LSAMP: variants seen among roughly 807,000 people sequenced by gnomAD.
LSAMP encodes the protein limbic system-associated membrane protein.
LSAMP carries 7 observed loss-of-function variants against 38.6 expected under a neutral mutation model. That is an observed-to-expected ratio of 0.18 (90% confidence interval 0.10 to 0.34). The LOEUF (loss-of-function observed/expected upper bound fraction) is 0.34. Among genes scored for constraint, LSAMP ranks in the 10% least tolerant of loss-of-function variants. The probability of loss-of-function intolerance (pLI) is 1.00; values close to 1 mark genes in which losing one functional copy is unlikely to be tolerated. For missense variants in LSAMP, 313 were observed against 420.0 expected, an observed-to-expected ratio of 0.75 and a Z score of 2.23; for synonymous variants, 154 against 166.8, an observed-to-expected ratio of 0.92 and a Z score of 0.59.
chr3:116,004,800 T>A (rs997641363), intron 3 of LSAMP, among the ~76,000 whole-genome samples: 2 of 152,098 alleles, frequency 1.3e-5, no homozygotes, highest in African/African-American at 4.8e-5. Context: ...AACCCAGGAA[T>A]ACCCCTTGGC....
intron 1 of LSAMP, among the ~76,000 whole-genome samples, chr3:116,379,245 G>A (rs577151900): frequency 1.1e-4 from 16 of 152,010 alleles, no homozygotes; most frequent in African/African-American, 2.9e-4. Flanking sequence ...AGATATAGTC[G>A]CATATGTTTT....
chr3:116,379,830 G>T (rs1158631369), intron 1 of LSAMP, among the ~76,000 whole-genome samples: 1 of 152,032 alleles, frequency 6.6e-6, no homozygotes, highest in Non-Finnish European at 1.5e-5. Flanking sequence ...CCTGATAAAA[G>T]ACGCTTACTT....
intron 1 of LSAMP, among the ~76,000 whole-genome samples, chr3:116,207,013 C>A (rs1246374110): frequency 2.7e-5 from 4 of 150,894 alleles, no homozygotes; most frequent in Non-Finnish European, 5.9e-5. Context: ...GTGTTAAAGT[C>A]TCCCATTATT....
intron 4 of LSAMP, among the ~76,000 whole-genome samples, chr3:115,844,276 A>G (rs1559847212): frequency 6.6e-6 from 1 of 152,224 alleles, no homozygotes. Context: ...TTTCCAAATT[A>G]TAACTCATTT....
At chr3:115,914,090 G>T (rs956170791) in intron 3 of LSAMP, among the ~76,000 whole-genome samples, 1 of 152,134 alleles carries the variant, frequency 6.6e-6, no homozygotes, top group Non-Finnish European at 1.5e-5. Context: ...TGGCAGCTCC[G>T]CAGATACAAG....
intron 1 of LSAMP, among the ~76,000 whole-genome samples, chr3:116,333,533 CA>C (rs35890184): frequency 0.37 from 31,783 of 85,528 alleles, 4,906 homozygotes; most frequent in African/African-American, 0.58. Context: ...GGTTCCATCT[CA>C]AAAAAAAAAA....
intron 6 of LSAMP, among the ~76,000 whole-genome samples, chr3:115,814,854 TAC>T (rs1292463321): frequency 3.3e-5 from 5 of 152,210 alleles, no homozygotes; most frequent in African/African-American, 7.2e-5. Flanking sequence ...AACAGTAATC[TAC>T]ACAGTCTCCT....
chr3:116,408,976 G>A (rs2107836022), intron 1 of LSAMP, among the ~76,000 whole-genome samples: 1 of 152,126 alleles, frequency 6.6e-6, no homozygotes, highest in East Asian at 1.9e-4. Context: ...GCGTCATTGT[G>A]CAGAAACAGA....
At chr3:116,029,525 A>G (rs1269793971) in intron 2 of LSAMP, among the ~76,000 whole-genome samples, 1 of 152,174 alleles carries the variant, frequency 6.6e-6, no homozygotes, top group Non-Finnish European at 1.5e-5. Context: ...ACTCAAGGTA[A>G]GAGAGATAAT....
At chr3:116,316,539 G>A (rs527677327) in intron 1 of LSAMP, among the ~76,000 whole-genome samples, 7 of 152,124 alleles carry the variant, frequency 4.6e-5, no homozygotes, top group Non-Finnish European at 1.0e-4. Context: ...TTGGGAGACC[G>A]AGGCGGGTAG....
intron 1 of LSAMP, among the ~76,000 whole-genome samples, chr3:116,220,112 G>A (rs745442194): frequency 6.6e-6 from 1 of 151,878 alleles, no homozygotes; most frequent in Middle Eastern, 3.4e-3. Context: ...GAACCCAGGA[G>A]GCAGAGGTTA....
intron 3 of LSAMP, among the ~76,000 whole-genome samples, chr3:115,950,754 A>G (rs1305131317): frequency 6.8e-6 from 1 of 147,862 alleles, no homozygotes; most frequent in Admixed American, 6.8e-5. Context: ...CCTAAAATTC[A>G]TATGGAACCA....
At chr3:116,109,866 G>GA (rs1312774314) in intron 1 of LSAMP, among the ~76,000 whole-genome samples, 20 of 151,778 alleles carry the variant, frequency 1.3e-4, no homozygotes, top group Non-Finnish European at 7.4e-5. Context: ...AGAAAAGCGG[G>GA]AAGGGGGGTC....
intron 3 of LSAMP, among the ~76,000 whole-genome samples, chr3:115,970,755 C>T (rs1938991214): frequency 1.3e-5 from 2 of 152,036 alleles, no homozygotes; most frequent in South Asian, 4.1e-4. Context: ...TTCGTACTTG[C>T]AAAAAATCTT....
chr3:115,979,890 C>A (rs1156296473), intron 3 of LSAMP, among the ~76,000 whole-genome samples: 2 of 152,056 alleles, frequency 1.3e-5, no homozygotes. Flanking sequence ...AGGTTTTGGA[C>A]AGATTGAGAT....
chr3:116,280,118 G>C (rs2047109556), intron 1 of LSAMP, among the ~76,000 whole-genome samples: 1 of 152,152 alleles, frequency 6.6e-6, no homozygotes, highest in South Asian at 2.1e-4. Context: ...AACAGAATCT[G>C]ATCAGAAACA....
chr3:116,190,731 T>C (rs1710736465), intron 1 of LSAMP, among the ~76,000 whole-genome samples: 1 of 152,180 alleles, frequency 6.6e-6, no homozygotes, highest in Non-Finnish European at 1.5e-5. Flanking sequence ...CCACCTAGAA[T>C]CCTCTTTCAG....
At chr3:116,111,172 A>G (rs527819836) in intron 1 of LSAMP, among the ~76,000 whole-genome samples, 99 of 152,312 alleles carry the variant, frequency 6.5e-4, no homozygotes, top group Admixed American at 1.0e-3. Flanking sequence ...CCATCTGGGC[A>G]TATACGTGCA....
intron 3 of LSAMP, among the ~76,000 whole-genome samples, chr3:116,008,866 A>T (rs1283971003): frequency 6.6e-6 from 1 of 152,060 alleles, no homozygotes; most frequent in Non-Finnish European, 1.5e-5. Flanking sequence ...TTTAATGAGC[A>T]CCTGGGGATC....
Sources: allele counts gnomAD v4.1 joint callset (sites outside exome capture counted in the v4.1 genomes callset), GRCh38; gene constraint gnomAD v4.1.1; transcripts MANE v1.5; gene names NCBI Gene and HGNC (gene_info 2026-07-23, HGNC 2026-07-21).